The following ETV6 variants were observed in gnomAD, a reference collection of about 807,000 sequenced individuals.
ETV6 encodes ETS variant transcription factor 6.
In ETV6, 16 loss-of-function variants were observed where a neutral mutation model predicts 51.1. The observed-to-expected ratio is 0.31, with a 90% CI of 0.21 to 0.48. The LOEUF (loss-of-function observed/expected upper bound fraction) is 0.48. Among genes scored for constraint, ETV6 ranks in the 20% least tolerant of loss-of-function variants. The pLI, the probability that ETV6 is intolerant of heterozygous loss-of-function variation, is 0.99. For missense variants in ETV6, 458 were observed against 594.8 expected, an observed-to-expected ratio of 0.77 and a Z score of 2.39; for synonymous variants, 240 against 224.1, an observed-to-expected ratio of 1.07 and a Z score of -0.64.
intron 2 of ETV6, among the ~76,000 whole-genome samples, chr12:11,772,442 G>C (rs1201613491): frequency 6.6e-6 from 1 of 152,184 alleles, no homozygotes; most frequent in Non-Finnish European, 1.5e-5. Flanking sequence ...CCCATGCCTG[G>C]CCTTGGATAG....
chr12:11,767,235 T>A (rs2136346798), intron 2 of ETV6, among the ~76,000 whole-genome samples: 1 of 152,328 alleles, frequency 6.6e-6, no homozygotes, highest in East Asian at 1.9e-4. Flanking sequence ...AGTTTCCTTA[T>A]CTCTAAAATG....
At chr12:11,764,490 A>G (rs143763865) in intron 2 of ETV6, among the ~76,000 whole-genome samples, 1 of 152,362 alleles carries the variant, frequency 6.6e-6, no homozygotes, top group East Asian at 1.9e-4. Flanking sequence ...AGTCATCTGC[A>G]TTTCTTTGAC....
At chr12:11,817,605 G>T (rs1350803715) in intron 2 of ETV6, among the ~76,000 whole-genome samples, 1 of 152,180 alleles carries the variant, frequency 6.6e-6, no homozygotes, top group African/African-American at 2.4e-5. Flanking sequence ...GACAGTACTT[G>T]TAGGGTACGT....
chr12:11,747,371 C>T (rs1434938300), intron 1 of ETV6, among the ~76,000 whole-genome samples: 1 of 152,166 alleles, frequency 6.6e-6, no homozygotes, highest in Non-Finnish European at 1.5e-5. Context: ...CCTATACCAT[C>T]TTGGATGTCT....
chr12:11,775,212 C>A (rs1945303246), intron 2 of ETV6, among the ~76,000 whole-genome samples: 1 of 152,212 alleles, frequency 6.6e-6, no homozygotes, highest in South Asian at 2.1e-4. Context: ...GCCGATGTCC[C>A]TAGGACTGTG....
intron 2 of ETV6, among the ~76,000 whole-genome samples, chr12:11,796,936 C>T (rs1241490411): frequency 6.6e-6 from 1 of 151,996 alleles, no homozygotes; most frequent in Non-Finnish European, 1.5e-5. Context: ...ACAAGCATGC[C>T]GCACCATGCT....
chr12:11,876,336 A>G (rs1946982761), intron 5 of ETV6, among the ~76,000 whole-genome samples: 1 of 152,228 alleles, frequency 6.6e-6, no homozygotes, highest in South Asian at 2.1e-4. Context: ...GCATTGTTCT[A>G]GATGATAGGG....
rs77312133 is a variant in ETV6 at position 11,737,964 on chromosome 12, G to A, written c.34-14486G>A. On this transcript the variant is annotated intron_variant, in intron 1 of 7. Transcript: ENST00000396373. ...TTTTGTTATTTTTTAGCCTTGCAGG[G>A]AAGGGGAGGAAAGCCAATAACGATG... Among the ~76,000 whole-genome samples the A allele has an allele frequency of 4.3e-4, 66 of 152,258 alleles. No individual in the cohort carries two copies. The East Asian group carries it at 0.013, about 29-fold the overall frequency.
Position 11,895,289 on chromosome 12 carries a change from G to GAAA in ETV6, c.*4251_*4253dup, listed in dbSNP as rs71057779. The GAAA allele has an allele frequency of 0.017, 3,229 of 185,618 alleles. 9 individuals are homozygous for GAAA. Among genetic ancestry groups the GAAA allele is most frequent in the East Asian group, 0.023 (298 of 13,114 alleles). The allele number at this position is 185,618 out of a possible 1,614,324, so 11.5% of individuals were successfully genotyped here. A position where few individuals can be genotyped will look rare whatever the true frequency, so the allele number is the denominator to read the frequency against. On this transcript the variant is annotated 3_prime_UTR_variant, in exon 8 of 8. Transcript: ENST00000396373. Reference sequence around the variant, plus strand: ...TGAATCAAATGAATGTAACAAAAAAGAAAAAAAAAACAAAAAAAAATGCCT... The same window carrying GAAA: ...TGAATCAAATGAATGTAACAAAAAAGAAAAAAAAAAAAACAAAAAAAAATGCCT...
intron 1 of ETV6, among the ~76,000 whole-genome samples, chr12:11,734,107 T>C (rs539812157): frequency 6.6e-6 from 1 of 152,208 alleles, no homozygotes; most frequent in Non-Finnish European, 1.5e-5. Flanking sequence ...TTTAAAGGAA[T>C]CAGATCTTTG....
chr12:11,826,657 A>G (rs962098741), intron 2 of ETV6: 5 of 152,224 alleles, frequency 3.3e-5, no homozygotes, highest in South Asian at 2.1e-4. Context: ...CCTCTGGTAC[A>G]GAGATCTTCA....
intron 2 of ETV6, among the ~76,000 whole-genome samples, chr12:11,764,132 A>G (rs1354144534): frequency 6.6e-6 from 1 of 152,230 alleles, no homozygotes; most frequent in Non-Finnish European, 1.5e-5. Flanking sequence ...ATGGAGAGAG[A>G]TAATTAATAC....
rs1019535878 is a variant in ETV6, at chr12:11,707,929, G to A, written c.34-44521G>A. 2.6e-5 allele frequency among the ~76,000 whole-genome samples: 4 copies of A among 152,306 alleles called. No individual in the cohort carries two copies. The South Asian group carries it at 6.2e-4, about 24-fold the overall frequency. On this transcript the variant is annotated intron_variant, in intron 1 of 7. Transcript: ENST00000396373. ...TCAACTTTGTCTCCTCCTATCTTATGGCAGTAAAGTGACCTTTTAGCAGGA... is the reference window on the plus strand; with the variant it reads ...TCAACTTTGTCTCCTCCTATCTTATAGCAGTAAAGTGACCTTTTAGCAGGA...
At chr12:11,794,553 G>A (rs532559268) in intron 2 of ETV6, among the ~76,000 whole-genome samples, 25 of 152,346 alleles carry the variant, frequency 1.6e-4, no homozygotes, top group Non-Finnish European at 2.9e-4. Context: ...GAGATACTCA[G>A]TGAGCAGAGA....
chr12:11,807,017 T>C (rs183753149), intron 2 of ETV6, among the ~76,000 whole-genome samples: 18 of 152,364 alleles, frequency 1.2e-4, no homozygotes, highest in African/African-American at 4.3e-4. Context: ...AATTGTCACA[T>C]TGAAGATTAT....
intron 4 of ETV6, among the ~76,000 whole-genome samples, chr12:11,866,379 C>G (rs1433394196): frequency 6.6e-6 from 1 of 152,122 alleles, no homozygotes; most frequent in East Asian, 1.9e-4. Flanking sequence ...GCCTTTCCTC[C>G]TTATTATGAG....
rs994053940 is a variant in ETV6 at position 11,752,824 on chromosome 12, C to T, written c.163+245C>T. 5 of 390,522 alleles carry T rather than the reference C, an allele frequency of 1.3e-5. No homozygotes were observed. The Admixed American group carries it at 1.7e-4, about 13-fold the overall frequency. 24.2% of individuals were successfully genotyped at this position (390,522 alleles called of 1,614,324 possible). A position where few individuals can be genotyped will look rare whatever the true frequency, so the allele number is the denominator to read the frequency against. ...ATGACATGTTAAAAAAAAAAGAAAC[C>T]TGGAAACATGCAGTATATGGCAGAG... On this transcript the variant is annotated intron_variant, in intron 2 of 7. Coordinates refer to ENST00000396373, the MANE Select transcript of ETV6 (RefSeq NM_001987.5).
rs574696487 is a variant in ETV6 at position 11,761,052 on chromosome 12, AC to A, written c.163+8476del. Among the ~76,000 whole-genome samples, 716 of 152,270 alleles carry A rather than the reference AC, an allele frequency of 4.7e-3. 5 individuals carry two copies. The highest frequency in any genetic ancestry group is 0.016 in the African/African-American group (673 of 41,542). ...TCAGGTAAACCACTTGCCCGAGGTC[AC>A]CCAGAGAAAGTGGAGGAGCCCCAAT... On this transcript the variant is annotated intron_variant, in intron 2 of 7. Transcript: ENST00000396373.
At chr12:11,874,660 A>G (rs78937601) in intron 5 of ETV6, among the ~76,000 whole-genome samples, 9,240 of 18,278 alleles carry the variant, frequency 0.51, 4,259 homozygotes, top group Middle Eastern at 0.85. Context: ...ATATGTGTGT[A>G]TATGTATATA....
Sources: allele counts gnomAD v4.1 joint callset (sites outside exome capture counted in the v4.1 genomes callset), GRCh38; gene constraint gnomAD v4.1.1; transcripts MANE v1.5; gene names NCBI Gene and HGNC (gene_info 2026-07-23, HGNC 2026-07-21).